Variants in MRPL34 observed in about 807,000 individuals in gnomAD.
MRPL34 encodes the protein mitochondrial ribosomal protein L34.
MRPL34 carries 8 observed loss-of-function variants against 6.7 expected under a neutral mutation model. The ratio of observed to expected loss-of-function variants is 1.20; its 90% confidence interval spans 0.70 to 2.16. The LOEUF (loss-of-function observed/expected upper bound fraction) is 2.16, where lower values mean the gene tolerates loss of function less well. Among genes scored for constraint, MRPL34 ranks in the 30% most tolerant of loss-of-function variants. MRPL34 has a pLI of 0.00. For missense variants in MRPL34, 146 were observed against 125.5 expected (o/e 1.16, Z -0.78); for synonymous variants, 59 against 55.1 (o/e 1.07, Z -0.31).
chr19:17,298,151 C>G (rs1161695997), upstream of MRPL34: 1 of 151,944 alleles, frequency 6.6e-6, no homozygotes, highest in Non-Finnish European at 1.5e-5. Context: ...ATCTCCTGAC[C>G]TCCTGATCCG....
At chr19:17,303,455 G>A (rs1229536880), upstream of MRPL34, 1 of 152,370 alleles carries the variant, frequency 6.6e-6, no homozygotes, top group Non-Finnish European at 1.5e-5. Context: ...GCGGAGCCAC[G>A]TGCCGACGGG....
chr19:17,300,827 C>A (rs144317638), upstream of MRPL34: 22 of 1,559,864 alleles, frequency 1.4e-5, no homozygotes, highest in Non-Finnish European at 1.7e-5. Flanking sequence ...CATCCCTCAC[C>A]CCCACCCCAC....
At chr19:17,297,080 C>T (rs1229372300) in intron 1 of MRPL34, among the ~76,000 whole-genome samples, 1 of 152,210 alleles carries the variant, frequency 6.6e-6, no homozygotes, top group Non-Finnish European at 1.5e-5. Flanking sequence ...CTATCCGATC[C>T]TTTAAGGAAA....
chr19:17,300,113 C>G (rs1173343073), upstream of MRPL34, among the ~76,000 whole-genome samples: 1 of 151,864 alleles, frequency 6.6e-6, no homozygotes, highest in East Asian at 1.9e-4. Context: ...ACCGTGTTAG[C>G]CAGGATGGTC....
chr19:17,305,863 G>A (rs1317072461), upstream of MRPL34: 3 of 1,611,120 alleles, frequency 1.9e-6, no homozygotes, highest in African/African-American at 2.7e-5. Context: ...GGAATCGCCC[G>A]CAGCCGGTAC....
chr19:17,299,560 C>CAA (rs567760409), upstream of MRPL34, among the ~76,000 whole-genome samples: 8,250 of 51,022 alleles, frequency 0.16, 679 homozygotes, highest in Non-Finnish European at 0.23. Context: ...GACTCCATCT[C>CAA]AAAAAAAAAA....
upstream of MRPL34, chr19:17,301,463 C>T (rs771970137): frequency 1.9e-6 from 3 of 1,611,356 alleles, no homozygotes; most frequent in South Asian, 1.1e-5. Flanking sequence ...GCGGCTGGGG[C>T]GGGTCCTGCA....
chr19:17,298,930 T>C (rs147086453), upstream of MRPL34, among the ~76,000 whole-genome samples: 4 of 152,106 alleles, frequency 2.6e-5, no homozygotes, highest in East Asian at 5.8e-4. Context: ...TTAGTAGAGA[T>C]GGGGTTTCAC....
chr19:17,305,718 A>G (rs1306294588), upstream of MRPL34: 11 of 700,476 alleles, frequency 1.6e-5, no homozygotes, highest in Admixed American at 4.3e-5. Context: ...CCGCGGATAT[A>G]GACTGGCGCG....
intron 1 of MRPL34, chr19:17,292,906 C>CAT (rs2074077466): frequency 4.0e-6 from 6 of 1,492,286 alleles, no homozygotes; most frequent in Non-Finnish European, 5.4e-6. Context: ...GGGACTCCGC[C>CAT]ATACACACAT....
chr19:17,305,937 G>A lies in MRPL34; in HGVS notation c.45G>A (p.Ser15=), dbSNP rs769139496. 50 of 1,614,046 alleles carry A rather than the reference G, an allele frequency of 3.1e-5. No individual in the cohort carries two copies. The highest frequency in any genetic ancestry group is 3.7e-5 in the Non-Finnish European group (44 of 1,180,038). ...AGSLLGPTSR[S]AALLGGRWLQ... ...CCCTGTTGGGCCCCACGAGTAGGTCGGCAGCGTTGCTGGGTGGCAGGTAAG... is the reference window on the plus strand; with the variant it reads ...CCCTGTTGGGCCCCACGAGTAGGTCAGCAGCGTTGCTGGGTGGCAGGTAAG... Residue 15 remains serine (S), a synonymous_variant, in exon 1 of 2, where the codon TCG becomes TCA. Coordinates refer to ENST00000252602, the MANE Select transcript of MRPL34 (RefSeq NM_023937.4).
chr19:17,305,714 ATATAGAC>A (rs771062223), upstream of MRPL34: 349 of 691,126 alleles, frequency 5.0e-4, 1 homozygote, highest in Non-Finnish European at 5.8e-4. Flanking sequence ...TGCCCCGCGG[ATATAGAC>A]TGGCGCGCCT....
At chr19:17,300,777 CA>C, upstream of MRPL34, 1 of 1,498,102 alleles carries the variant, frequency 6.7e-7, no homozygotes, top group Non-Finnish European at 9.0e-7. Flanking sequence ...GGGGCTCAGC[CA>C]AAAACTCAGT....
At chr19:17,294,409 C>T in intron 1 of MRPL34, 1 of 1,614,118 alleles carries the variant, frequency 6.2e-7, no homozygotes, top group South Asian at 1.1e-5. Context: ...GTACTGGCCG[C>T]TCATCATGGC....
intron 1 of MRPL34, chr19:17,296,292 G>C (rs931212672): frequency 6.6e-6 from 1 of 152,298 alleles, no homozygotes; most frequent in South Asian, 2.1e-4. Flanking sequence ...GGGCTCAAGT[G>C]ATCCTTCCAC....
In MRPL34 at chr19:17,295,864, T is replaced by C. The variant is rs575751794; in HGVS notation, c.214+3010T>C. Among the ~76,000 whole-genome samples the C allele has an allele frequency of 1.6e-4, 24 of 152,272 alleles. No individual in the cohort carries two copies. The South Asian group carries it at 4.6e-3, about 29-fold the overall frequency. On this transcript the variant is annotated intron_variant, in intron 1 of 2. Transcript: ENST00000595444. ...CTGGGACTACAGGCATGTGCCACCA[T>C]GCTCAGCTAATTTTTAAAAATTTTT...
chr19:17,304,180 T>C (rs1239277788), upstream of MRPL34, among the ~76,000 whole-genome samples: 2 of 152,184 alleles, frequency 1.3e-5, no homozygotes, highest in Non-Finnish European at 2.9e-5. Context: ...ATTTAACCCA[T>C]GGCTGCCATG....
At position 17,295,786 on chromosome 19, in the gene MRPL34, C is replaced by A. The variant is rs867147531; in HGVS notation, c.214+2932C>A. Among the ~76,000 whole-genome samples the A allele has an allele frequency of 2.0e-5, 3 of 152,342 alleles. No homozygotes were observed. In the South Asian group the frequency reaches 6.2e-4, roughly 32 times the overall value. ...GCGGTGGCGTAATCATAGCTCCCTG[C>A]AGCCTTGACTTCCTGGGCTCAAGAG... On this transcript the variant is annotated intron_variant, in intron 1 of 2. Transcript: ENST00000595444.
chr19:17,300,845 G>T (rs530712660), upstream of MRPL34: 5 of 1,575,836 alleles, frequency 3.2e-6, no homozygotes, highest in East Asian at 2.3e-5. Context: ...CACATGCCAG[G>T]GTTCACTTAC....
Sources: allele counts gnomAD v4.1 joint callset (sites outside exome capture counted in the v4.1 genomes callset), GRCh38; gene constraint gnomAD v4.1.1; transcripts MANE v1.5; gene names NCBI Gene and HGNC (gene_info 2026-07-23, HGNC 2026-07-21).